Variants in UPF2 observed in about 807,000 individuals in gnomAD.
The protein encoded by UPF2 is UPF2 regulator of nonsense mediated mRNA decay.
In UPF2, 17 loss-of-function variants were observed where a neutral mutation model predicts 141.4. The ratio of observed to expected loss-of-function variants is 0.12; its 90% CI spans 0.08 to 0.18. UPF2 has a LOEUF of 0.18. UPF2 is among the 10% of genes least tolerant of loss of function. The pLI is 1.00. For synonymous variants in UPF2, 540 were observed against 498.0 expected (o/e 1.08, Z -1.12); for missense variants, 1,152 against 1,515.9 (o/e 0.76, Z 3.99).
At chr10:11,934,605 T>C (rs774255845) in intron 19 of UPF2, among the ~76,000 whole-genome samples, 5 of 152,250 alleles carry the variant, frequency 3.3e-5, no homozygotes, top group Non-Finnish European at 7.3e-5. Context: ...TATTTCTTTT[T>C]TTGAGACGGA....
At chr10:12,024,332 G>A (rs1834370862) in intron 3 of UPF2, among the ~76,000 whole-genome samples, 2 of 152,168 alleles carry the variant, frequency 1.3e-5, no homozygotes, top group Admixed American at 6.5e-5. Context: ...GATGGGGGGT[G>A]GGCACAGTGG....
At chr10:11,988,181 A>G (rs1833725102) in intron 8 of UPF2, among the ~76,000 whole-genome samples, 1 of 152,230 alleles carries the variant, frequency 6.6e-6, no homozygotes, top group African/African-American at 2.4e-5. Context: ...GTCATTAGGG[A>G]CGTTGTCCCT....
At chr10:12,032,660 C>A (rs1834546381) in intron 2 of UPF2, among the ~76,000 whole-genome samples, 1 of 151,640 alleles carries the variant, frequency 6.6e-6, no homozygotes, top group Non-Finnish European at 1.5e-5. Context: ...ATCACTTGAG[C>A]CCAGAAGGCA....
chr10:11,995,471 A>G (rs889477484), intron 8 of UPF2, among the ~76,000 whole-genome samples: 2 of 152,202 alleles, frequency 1.3e-5, no homozygotes, highest in African/African-American at 4.8e-5. Context: ...TACAGTCTAG[A>G]GGACAATGTC....
intron 15 of UPF2, among the ~76,000 whole-genome samples, chr10:11,951,704 T>C (rs758580306): frequency 2.0e-5 from 3 of 152,204 alleles, no homozygotes; most frequent in Non-Finnish European, 4.4e-5. Context: ...TAGGAAATAA[T>C]GCCTGTTGAA....
At position 12,042,450 on chromosome 10, in the gene UPF2, C is replaced by G. The variant is rs1834752840; in HGVS notation, c.-19+305G>C. Among the ~76,000 whole-genome samples, 2 of 152,328 alleles carry G rather than the reference C, an allele frequency of 1.3e-5. No individual in the cohort carries two copies. Among genetic ancestry groups the G allele is most frequent in the South Asian group, 4.1e-4 (2 of 4,828 alleles). ...ACGCCCCCGAACACTTTCGCCCCTCCACCGCGGGCTCCCCGCCTCCAGTCT... is the reference window on the plus strand; with the variant it reads ...ACGCCCCCGAACACTTTCGCCCCTCGACCGCGGGCTCCCCGCCTCCAGTCT... On this transcript the variant is annotated intron_variant, in intron 1 of 21. Transcript: ENST00000357604. The surrounding 1 kb of genome is among the most constrained non-coding windows in gnomAD (Gnocchi z 5.5).
intron 8 of UPF2, among the ~76,000 whole-genome samples, chr10:11,991,092 C>T (rs1833772513): frequency 6.6e-6 from 1 of 151,574 alleles, no homozygotes; most frequent in Non-Finnish European, 1.5e-5. Context: ...TGCAAAGGTA[C>T]TGTCAATTTT....
In UPF2 at chr10:11,990,702, C is replaced by G. The variant is rs1257347852; in HGVS notation, c.1844+6970G>C. On this transcript the variant is annotated intron_variant, in intron 8 of 21. Coordinates refer to ENST00000357604, the MANE Select transcript of UPF2 (RefSeq NM_015542.4). ...TCAAAAAAAAAAAAAAAAAGGAAACCTGTTGACCAGGCCCAGTGGCTCACG... is the reference window on the plus strand; with the variant it reads ...TCAAAAAAAAAAAAAAAAAGGAAACGTGTTGACCAGGCCCAGTGGCTCACG... Among the ~76,000 whole-genome samples the G allele has an allele frequency of 2.9e-5, 4 of 137,010 alleles. No individual in the cohort carries two copies. In the East Asian group the frequency reaches 8.9e-4, roughly 31 times the overall value. The allele number at this position is 137,010 out of a possible 152,430, so 89.9% of individuals were successfully genotyped here.
intron 4 of UPF2, among the ~76,000 whole-genome samples, chr10:12,007,062 C>G (rs1017512351): frequency 6.6e-6 from 1 of 152,084 alleles, no homozygotes. Context: ...ATAAGTTGCC[C>G]GGTCTAGGGT....
intron 12 of UPF2, among the ~76,000 whole-genome samples, chr10:11,958,478 T>C (rs1363673493): frequency 6.6e-6 from 1 of 152,212 alleles, no homozygotes; most frequent in African/African-American, 2.4e-5. Context: ...CCAAAACTAT[T>C]TGAAACAACT....
intron 4 of UPF2, among the ~76,000 whole-genome samples, chr10:12,010,948 A>T (rs962370997): frequency 3.3e-5 from 5 of 152,082 alleles, no homozygotes; most frequent in Admixed American, 2.6e-4. Flanking sequence ...TACTGAAAGA[A>T]AAAAAAACTC....
intron 4 of UPF2, 142 bp downstream of exon 4, chr10:12,013,882 G>A (rs1670777171): frequency 1.3e-6 from 1 of 792,686 alleles, no homozygotes; most frequent in Non-Finnish European, 1.8e-6. Flanking sequence ...TTACAGGCAT[G>A]AGCCACCATG....
At chr10:12,013,968 G>T in intron 4 of UPF2, 56 bp downstream of exon 4, 1 of 1,407,748 alleles carries the variant, frequency 7.1e-7, no homozygotes, top group Non-Finnish European at 9.4e-7. Flanking sequence ...TAAGCCTAAA[G>T]GTAAGTGACA....
Position 12,004,858 on chromosome 10 carries a change from TAAC to T in UPF2, c.1307-134_1307-132del, listed in dbSNP as rs1834009950. On this transcript the variant is annotated intron_variant, in intron 4 of 21. Transcript: ENST00000357604. ...TTCAACTGACAGGAACTTCTTCAAT[TAAC>T]AAGCACATGTGACCGTTTTCAACAC... 1.1e-5 allele frequency: 9 copies of T among 828,160 alleles called. No homozygotes were observed. The Admixed American group carries it at 2.8e-4, about 26-fold the overall frequency. The allele number at this position is 828,160 out of a possible 1,614,324, so 51.3% of individuals were successfully genotyped here. A position where few individuals can be genotyped will look rare whatever the true frequency, so the allele number is the denominator to read the frequency against.
chr10:11,982,073 G>A (rs1321749207), intron 8 of UPF2, among the ~76,000 whole-genome samples: 1 of 149,766 alleles, frequency 6.7e-6, no homozygotes, highest in Non-Finnish European at 1.5e-5. Context: ...AATATTTAAT[G>A]TTCTTACATA....
intron 8 of UPF2, among the ~76,000 whole-genome samples, chr10:11,988,135 G>T (rs1275037675): frequency 6.6e-6 from 1 of 152,126 alleles, no homozygotes; most frequent in Non-Finnish European, 1.5e-5. Flanking sequence ...TATGCAAATG[G>T]CCACTAAGCA....
At chr10:12,022,851 A>T (rs73573592) in intron 3 of UPF2, among the ~76,000 whole-genome samples, 326 of 152,116 alleles carry the variant, frequency 2.1e-3, no homozygotes, top group African/African-American at 7.5e-3. Context: ...CATAAAAGAA[A>T]CCTCTGACTT....
intron 8 of UPF2, among the ~76,000 whole-genome samples, chr10:11,988,438 A>C (rs1234417208): frequency 6.6e-6 from 1 of 152,152 alleles, no homozygotes; most frequent in African/African-American, 2.4e-5. Flanking sequence ...TAGCCTCCCA[A>C]GTAGATGGAA....
At chr10:12,018,542 C>T (rs1291777315) in intron 3 of UPF2, among the ~76,000 whole-genome samples, 6 of 152,022 alleles carry the variant, frequency 3.9e-5, no homozygotes, top group Admixed American at 3.3e-4. Flanking sequence ...GACCGCACCA[C>T]TGCACTCTAG....
Sources: allele counts gnomAD v4.1 joint callset (sites outside exome capture counted in the v4.1 genomes callset), GRCh38; gene constraint gnomAD v4.1.1; non-coding constraint Gnocchi (gnomAD v3.1); transcripts MANE v1.5; gene names NCBI Gene and HGNC (gene_info 2026-07-23, HGNC 2026-07-21).